Variants in MARCHF1 observed in about 807,000 individuals in gnomAD.
MARCHF1 encodes E3 ubiquitin-protein ligase MARCHF1.
In MARCHF1, 40 loss-of-function variants were observed where a neutral mutation model predicts 54.2. That is an observed-to-expected ratio of 0.74 (90% confidence interval 0.57 to 0.96). The LOEUF is 0.96. MARCHF1 is among the 40% of genes least tolerant of loss of function. The pLI is 0.00. For missense variants in MARCHF1, 586 were observed against 656.5 expected, an observed-to-expected ratio of 0.89 and a Z score of 1.17; for synonymous variants, 236 against 236.3, an observed-to-expected ratio of 1.00 and a Z score of 0.01.
chr4:164,311,769 T>C (rs1734855836), intron 1 of MARCHF1, among the ~76,000 whole-genome samples: 1 of 152,212 alleles, frequency 6.6e-6, no homozygotes, highest in African/African-American at 2.4e-5. Flanking sequence ...CACATAAGAC[T>C]TAATTATTTG....
At chr4:164,118,128 A>G (rs1755978617) in intron 1 of MARCHF1, among the ~76,000 whole-genome samples, 2 of 152,036 alleles carry the variant, frequency 1.3e-5, no homozygotes, top group African/African-American at 4.8e-5. Context: ...CACTAACAAA[A>G]AAACATAAAA....
At chr4:163,734,235 T>C (rs1031013255) in intron 4 of MARCHF1, among the ~76,000 whole-genome samples, 1 of 152,160 alleles carries the variant, frequency 6.6e-6, no homozygotes, top group African/African-American at 2.4e-5. Context: ...TGAGAATGTA[T>C]AAAGAGACAG....
intron 4 of MARCHF1, among the ~76,000 whole-genome samples, chr4:163,818,798 C>T (rs959772926): frequency 6.6e-6 from 1 of 152,102 alleles, no homozygotes; most frequent in Non-Finnish European, 1.5e-5. Flanking sequence ...ATCTTATGAA[C>T]CTCATGGTCA....
chr4:164,179,657 TG>T (rs911744960), intron 1 of MARCHF1, among the ~76,000 whole-genome samples: 2 of 152,058 alleles, frequency 1.3e-5, no homozygotes, highest in Non-Finnish European at 2.9e-5. Context: ...GAAAAAACTT[TG>T]CACATTCATC....
intron 3 of MARCHF1, among the ~76,000 whole-genome samples, chr4:163,901,691 T>G (rs1410634792): frequency 6.6e-6 from 1 of 152,194 alleles, no homozygotes; most frequent in Non-Finnish European, 1.5e-5. Flanking sequence ...GGAATGACAT[T>G]TCTCTTCCCA....
At chr4:163,598,516 C>T (rs1740844577) in intron 7 of MARCHF1, among the ~76,000 whole-genome samples, 1 of 152,198 alleles carries the variant, frequency 6.6e-6, no homozygotes, top group Non-Finnish European at 1.5e-5. Flanking sequence ...TATGGTAGAG[C>T]CTGTTGGTCC....
chr4:163,883,690 G>A (rs1319023146), intron 3 of MARCHF1, among the ~76,000 whole-genome samples: 2 of 152,066 alleles, frequency 1.3e-5, no homozygotes, highest in Non-Finnish European at 1.5e-5. Flanking sequence ...TGACTCAAAT[G>A]TTGCATGGGG....
intron 5 of MARCHF1, among the ~76,000 whole-genome samples, chr4:163,645,871 CT>C (rs1489296814): frequency 6.6e-6 from 1 of 152,054 alleles, no homozygotes; most frequent in Non-Finnish European, 1.5e-5. Flanking sequence ...TAATATATTG[CT>C]TTTAATGGCA....
chr4:163,631,558 A>G (rs910492735), intron 5 of MARCHF1, among the ~76,000 whole-genome samples: 2 of 152,242 alleles, frequency 1.3e-5, no homozygotes, highest in Non-Finnish European at 2.9e-5. Context: ...GTGCCAAAAA[A>G]TAGTCAGATA....
At chr4:163,978,122 G>A (rs1161569382) in intron 3 of MARCHF1, among the ~76,000 whole-genome samples, 10 of 152,142 alleles carry the variant, frequency 6.6e-5, no homozygotes, top group South Asian at 2.1e-4. Context: ...GCAAAGAAAA[G>A]CCATAAGGTT....
At chr4:163,762,080 C>G (rs949106472) in intron 4 of MARCHF1, among the ~76,000 whole-genome samples, 3 of 152,140 alleles carry the variant, frequency 2.0e-5, no homozygotes, top group Admixed American at 2.0e-4. Context: ...TCTTAACTAG[C>G]TAAATGAGGT....
intron 2 of MARCHF1, among the ~76,000 whole-genome samples, chr4:164,069,980 T>C (rs1560889793): frequency 6.6e-6 from 1 of 152,182 alleles, no homozygotes; most frequent in Non-Finnish European, 1.5e-5. Flanking sequence ...TGGATAGAGC[T>C]TGAGACTGTA....
chr4:164,348,967 G>T (rs1454952475), intron 1 of MARCHF1, among the ~76,000 whole-genome samples: 1 of 152,092 alleles, frequency 6.6e-6, no homozygotes, highest in Non-Finnish European at 1.5e-5. Flanking sequence ...CTGCTTTGAG[G>T]ATCTAAGGGT....
chr4:163,863,679 G>T (rs1749990049), intron 3 of MARCHF1, among the ~76,000 whole-genome samples: 1 of 151,962 alleles, frequency 6.6e-6, no homozygotes, highest in Non-Finnish European at 1.5e-5. Context: ...TACCCTAGTG[G>T]CAACAAATAT....
chr4:164,008,452 A>G (rs558004926), intron 2 of MARCHF1, among the ~76,000 whole-genome samples: 10 of 152,228 alleles, frequency 6.6e-5, no homozygotes, highest in Non-Finnish European at 1.5e-4. Context: ...ATGAAAAACA[A>G]TGGGATAAAA....
chr4:164,265,506 CACACACA>C (rs1579673805), intron 1 of MARCHF1, among the ~76,000 whole-genome samples: 104 of 121,402 alleles, frequency 8.6e-4, no homozygotes, highest in African/African-American at 1.9e-3. Flanking sequence ...TAGCTGGGAC[CACACACA>C]TTTAACCTGT....
At chr4:164,324,722 A>G (rs1170141372) in intron 1 of MARCHF1, among the ~76,000 whole-genome samples, 1 of 151,428 alleles carries the variant, frequency 6.6e-6, no homozygotes, top group Non-Finnish European at 1.5e-5. Context: ...TATTTGCAAG[A>G]GCAACAAAAA....
At chr4:164,083,596 G>T (rs1755142204) in intron 2 of MARCHF1, among the ~76,000 whole-genome samples, 1 of 152,016 alleles carries the variant, frequency 6.6e-6, no homozygotes, top group Non-Finnish European at 1.5e-5. Flanking sequence ...TTTCCAAAAA[G>T]AACATACTTA....
At position 163,545,525 on chromosome 4, in the gene MARCHF1, A is replaced by G; in HGVS notation, c.1339+71T>C. 4.0e-6 allele frequency: 6 copies of G among 1,484,042 alleles called. 1 individual carries two copies. The South Asian group carries it at 6.5e-5, about 16-fold the overall frequency. 91.9% of individuals were successfully genotyped at this position (1,484,042 alleles called of 1,614,324 possible). A position where few individuals can be genotyped will look rare whatever the true frequency, so the allele number is the denominator to read the frequency against. On this transcript the variant is annotated intron_variant, in intron 9 of 9. Coordinates refer to ENST00000514618, the MANE Select transcript of MARCHF1 (RefSeq NM_001394959.1). ...CATGATGAAGGCCTAACCTGGGGAAATAACTTCCCTATCCACCTCTGAGTA... is the reference window on the plus strand; with the variant it reads ...CATGATGAAGGCCTAACCTGGGGAAGTAACTTCCCTATCCACCTCTGAGTA...
Sources: allele counts gnomAD v4.1 joint callset (sites outside exome capture counted in the v4.1 genomes callset), GRCh38; gene constraint gnomAD v4.1.1; transcripts MANE v1.5; gene names NCBI Gene and HGNC (gene_info 2026-07-23, HGNC 2026-07-21).